Variants in NANOG observed in about 807,000 individuals in gnomAD.
NANOG encodes Nanog homeobox.
Under a neutral mutation model 17.7 loss-of-function variants are expected in NANOG, and 2 were observed. The ratio of observed to expected loss-of-function variants is 0.11; its 90% confidence interval spans 0.05 to 0.36. NANOG has a LOEUF of 0.36. Ranked by LOEUF, NANOG falls within the 10% of genes least tolerant of loss-of-function variation. The pLI is 1.00. For missense variants in NANOG, 174 were observed against 362.1 expected (o/e 0.48, Z 4.22); for synonymous variants, 81 against 124.7 (o/e 0.65, Z 2.33).
Position 7,796,651 on chromosome 12 carries a change from C to G in NANOG, c.*1556C>G, listed in dbSNP as rs1402288913. ...GAGAGCACGTCCCTTCACTCTGAAG[C>G]AGCATGATGCAGGTTATCAGAGTGG... On this transcript the variant is annotated 3_prime_UTR_variant, in exon 4 of 4. Transcript: ENST00000229307. 6.6e-6 allele frequency: 1 copy of G among 152,202 alleles called. No homozygotes were observed. Among genetic ancestry groups the G allele is most frequent in the African/African-American group, 2.4e-5 (1 of 41,450 alleles). 9.4% of individuals were successfully genotyped at this position (152,202 alleles called of 1,614,324 possible). A position where few individuals can be genotyped will look rare whatever the true frequency, so the allele number is the denominator to read the frequency against.
intron 1 of NANOG, among the ~76,000 whole-genome samples, chr12:7,791,105 C>G (rs1455123337): frequency 1.6e-5 from 2 of 122,712 alleles, no homozygotes; most frequent in East Asian, 4.9e-4. Context: ...TTCTTTCTTT[C>G]TTTCTTTCTT....
At position 7,794,991 on chromosome 12, in the gene NANOG, GA is replaced by G. The variant is rs1862898798; in HGVS notation, c.816del (p.Gly273AlafsTer4). 1 of 1,255,484 alleles carries G rather than the reference GA, an allele frequency of 8.0e-7. No homozygotes were observed. Among genetic ancestry groups the G allele is most frequent in the Non-Finnish European group, 1.2e-6 (1 of 868,210 alleles). The allele number at this position is 1,255,484 out of a possible 1,614,324, so 77.8% of individuals were successfully genotyped here. On this transcript the variant is annotated frameshift_variant, in exon 4 of 4. Coordinates refer to ENST00000229307, the MANE Select transcript of NANOG (RefSeq NM_024865.4). LOFTEE classifies it low-confidence loss of function (END_TRUNC). ...GGAGGCTGCCTTGGAAGCTGCTGGG[GA>G]AGGCCTTAATGTAATACAGCAGACC... ...DLEAALEAAGEGLNVIQQTTR... is the reference protein window; with the variant it reads ...DLEAALEAAGXGLNVIQQTTR...
At chr12:7,794,595 T>C in intron 3 of NANOG, 52 bp downstream of exon 3, 1 of 1,602,224 alleles carries the variant, frequency 6.2e-7, no homozygotes, top group South Asian at 1.1e-5. Context: ...TTCAATCTTG[T>C]CCATCCCTGA....
rs1862946478 is a variant in NANOG, at chr12:7,797,413, A to T, written c.*2318A>T. 1 of 145,154 alleles carries T rather than the reference A, an allele frequency of 6.9e-6. No homozygotes were observed. The highest frequency in any genetic ancestry group is 1.5e-5 in the Non-Finnish European group (1 of 67,004). The allele number at this position is 145,154 out of a possible 1,614,324, so 9.0% of individuals were successfully genotyped here. A position where few individuals can be genotyped will look rare whatever the true frequency, so the allele number is the denominator to read the frequency against. On this transcript the variant is annotated 3_prime_UTR_variant, in exon 4 of 4. Coordinates refer to ENST00000229307, the MANE Select transcript of NANOG (RefSeq NM_024865.4). ...ACTTTTGTTACTCAGGCTGGAGCAC[A>T]ATGATGCAATCTCTACTCACTGCAA...
In NANOG at chr12:7,795,414, C is replaced by T. The variant is rs3892960; in HGVS notation, c.*319C>T. 0.1 allele frequency: 24,778 copies of T among 246,976 alleles called. No homozygotes were observed. Among genetic ancestry groups the T allele is most frequent in the Middle Eastern group, 0.16 (105 of 650 alleles). The allele number at this position is 246,976 out of a possible 1,614,324, so 15.3% of individuals were successfully genotyped here. A position where few individuals can be genotyped will look rare whatever the true frequency, so the allele number is the denominator to read the frequency against. On this transcript the variant is annotated 3_prime_UTR_variant, in exon 4 of 4. Coordinates refer to ENST00000229307, the MANE Select transcript of NANOG (RefSeq NM_024865.4). ...TTGGCTCACTGCAAGCTCCGTCTCC[C>T]GGGTTCACGCCATTCTCCTGCCTCA...
In NANOG at chr12:7,789,500, CT is replaced by C. The variant is rs1450713632; in HGVS notation, c.-111del. The C allele has an allele frequency of 3.5e-6, 3 of 865,136 alleles. No homozygotes were observed. The African/African-American group carries it at 5.1e-5, about 15-fold the overall frequency. 53.6% of individuals were successfully genotyped at this position (865,136 alleles called of 1,614,324 possible). A position where few individuals can be genotyped will look rare whatever the true frequency, so the allele number is the denominator to read the frequency against. On this transcript the variant is annotated 5_prime_UTR_variant, in exon 1 of 4. It introduces an in-frame stop codon into an upstream open reading frame of the 5' UTR. Coordinates refer to ENST00000229307, the MANE Select transcript of NANOG (RefSeq NM_024865.4). The stretch of plus-strand genomic sequence containing the variant: ...CTCACTTTATCCCAATTTCTTGATA[CT>C]TTTCCTTCTGGAGGTCCTATTTCTC...
chr12:7,789,886 T>A (rs2120557843), intron 1 of NANOG, 121 bp downstream of exon 1: 1 of 1,047,888 alleles, frequency 9.5e-7, no homozygotes, highest in Non-Finnish European at 1.4e-6. Context: ...AGAAGTGTTA[T>A]TATCAACTAA....
rs1243966087 is a variant in NANOG at position 7,797,468 on chromosome 12, T to G, written c.*2373T>G. ...CACCTCCCAGGTTCAAGTGATTCTCTTGCCTCAGCCTTTCGAGTGGCTGGT... is the reference window on the plus strand; with the variant it reads ...CACCTCCCAGGTTCAAGTGATTCTCGTGCCTCAGCCTTTCGAGTGGCTGGT... On this transcript the variant is annotated 3_prime_UTR_variant, in exon 4 of 4. Transcript: ENST00000229307. 2 of 151,218 alleles carry G rather than the reference T, an allele frequency of 1.3e-5. No individual in the cohort carries two copies. The highest frequency in any genetic ancestry group is 2.4e-5 in the African/African-American group (1 of 41,114). 9.4% of individuals were successfully genotyped at this position (151,218 alleles called of 1,614,324 possible). A position where few individuals can be genotyped will look rare whatever the true frequency, so the allele number is the denominator to read the frequency against.
At position 7,796,279 on chromosome 12, in the gene NANOG, C is replaced by G. The variant is rs1862928447; in HGVS notation, c.*1184C>G. On this transcript the variant is annotated 3_prime_UTR_variant, in exon 4 of 4. Coordinates refer to ENST00000229307, the MANE Select transcript of NANOG (RefSeq NM_024865.4). ...CAGCTTGGGCGACAAGAGCAAAACT[C>G]CCATCTCAAAAATAAATAAATAAAT... 6.6e-6 allele frequency: 1 copy of G among 151,242 alleles called. No individual in the cohort carries two copies. Among genetic ancestry groups the G allele is most frequent in the African/African-American group, 2.4e-5 (1 of 41,104 alleles). 9.4% of individuals were successfully genotyped at this position (151,242 alleles called of 1,614,324 possible). A position where few individuals can be genotyped will look rare whatever the true frequency, so the allele number is the denominator to read the frequency against.
chr12:7,793,229 C>T lies in NANOG; in HGVS notation c.414+17C>T, dbSNP rs778993036. Reference sequence around the variant, plus strand: ...TACAAACAGGTAGGCTTGTTTTGTCCTTGGAATAAGGTGAACAAAAATTGG... The same window carrying T: ...TACAAACAGGTAGGCTTGTTTTGTCTTTGGAATAAGGTGAACAAAAATTGG... On this transcript the variant is annotated intron_variant, in intron 2 of 3. Transcript: ENST00000229307. 49 of 1,613,254 alleles carry T rather than the reference C, an allele frequency of 3.0e-5. No individual in the cohort carries two copies. Among genetic ancestry groups the T allele is most frequent in the Non-Finnish European group, 3.2e-5 (38 of 1,179,534 alleles).
In NANOG at chr12:7,789,706, C is replaced by T. The variant is rs1213595829; in HGVS notation, c.92C>T (p.Pro31Leu). ...ESSPMPVICG[P>L]EENYPSLQMS... ...TCACCTATGCCTGTGATTTGTGGGCCTGAAGAAAACTATCCATCCTTGCAA... is the reference window on the plus strand; with the variant it reads ...TCACCTATGCCTGTGATTTGTGGGCTTGAAGAAAACTATCCATCCTTGCAA... The change falls in exon 1 of 4, where the codon CCT becomes CTT. Residue 31 changes from proline to leucine, a missense_variant. By Grantham distance (98) the Pro-to-Leu change is moderately conservative (BLOSUM62 -3). Around this residue, in one of 2 missense-constraint regions of NANOG, gnomAD observed 158 missense variants for 244.2 expected, o/e 0.65. Coordinates refer to ENST00000229307, the MANE Select transcript of NANOG (RefSeq NM_024865.4). The T allele has an allele frequency of 2.5e-6, 4 of 1,614,060 alleles. No individual in the cohort carries two copies. The highest frequency in any genetic ancestry group is 3.4e-6 in the Non-Finnish European group (4 of 1,180,058).
intron 1 of NANOG, among the ~76,000 whole-genome samples, chr12:7,791,093 A>ATTTCTTTC (rs1320803765): frequency 1.4e-5 from 2 of 144,326 alleles, no homozygotes; most frequent in Non-Finnish European, 3.0e-5. Flanking sequence ...TGCCTTTATA[A>ATTTCTTTC]TTTCTTTCTT....
Position 7,793,853 on chromosome 12 carries a change from TG to T in NANOG, c.415-603del, listed in dbSNP as rs1001957409. On this transcript the variant is annotated intron_variant, in intron 2 of 3. Transcript: ENST00000229307. ...ACCTCCTGGGTTCAAGGGATTCTCC[TG>T]CCTCAGCCTCCCAAGTAGCTGGGAT... Among the ~76,000 whole-genome samples the T allele has an allele frequency of 1.1e-4, 17 of 152,132 alleles. 1 individual carries two copies. The highest frequency in any genetic ancestry group is 2.0e-4 in the Admixed American group (3 of 15,272).
At chr12:7,792,578 C>T (rs923777732) in intron 1 of NANOG, among the ~76,000 whole-genome samples, 29 of 152,100 alleles carry the variant, frequency 1.9e-4, no homozygotes, top group Non-Finnish European at 3.7e-4. Flanking sequence ...GCAGGAGAAT[C>T]GCTTGAACCC....
chr12:7,793,679 T>G (rs1281532487), intron 2 of NANOG, among the ~76,000 whole-genome samples: 1 of 152,342 alleles, frequency 6.6e-6, no homozygotes, highest in East Asian at 1.9e-4. Flanking sequence ...TGGCTTATCC[T>G]CTTCTAGGCT....
chr12:7,789,823 G>C (rs1215642135), intron 1 of NANOG, 58 bp downstream of exon 1: 2 of 1,555,430 alleles, frequency 1.3e-6, no homozygotes, highest in Non-Finnish European at 1.8e-6. Flanking sequence ...GAGAGAAGGA[G>C]AGAGGGTTAA....
chr12:7,794,162 T>C (rs953411540), intron 2 of NANOG, among the ~76,000 whole-genome samples: 1 of 152,168 alleles, frequency 6.6e-6, no homozygotes, highest in African/African-American at 2.4e-5. Flanking sequence ...CAGCCTTCAC[T>C]TCCCAGGTGC....
rs1354713782 is a variant in NANOG, at chr12:7,796,095, G to A, written c.*1000G>A. 6.6e-6 allele frequency: 1 copy of A among 152,124 alleles called. No individual in the cohort carries two copies. Among genetic ancestry groups the A allele is most frequent in the Non-Finnish European group, 1.5e-5 (1 of 68,034 alleles). The allele number at this position is 152,124 out of a possible 1,614,324, so 9.4% of individuals were successfully genotyped here. The stretch of plus-strand genomic sequence containing the variant: ...TAAATTTTTGGTTGGGGTGGAGAAG[G>A]AAATTAGCTGAGGACACTGCTATCT... On this transcript the variant is annotated 3_prime_UTR_variant, in exon 4 of 4. Coordinates refer to ENST00000229307, the MANE Select transcript of NANOG (RefSeq NM_024865.4).
intron 1 of NANOG, among the ~76,000 whole-genome samples, chr12:7,790,558 T>C (rs1035428715): frequency 1.3e-5 from 2 of 152,160 alleles, no homozygotes; most frequent in Admixed American, 6.5e-5. Context: ...TGAAAATCAA[T>C]TTTTCAGTAG....
Sources: gnomAD v4.1 joint callset for allele counts (sites outside exome capture counted in the v4.1 genomes callset) on GRCh38, gnomAD v4.1.1 for gene constraint, gnomAD v4.1.1 regional missense constraint, MANE v1.5 for transcripts, NCBI Gene and HGNC (gene_info 2026-07-23, HGNC 2026-07-21) for gene names.